RGS12: variants seen among roughly 807,000 people sequenced by gnomAD.
RGS12 encodes regulator of G-protein signaling 12.
A neutral mutation model predicts 120.1 loss-of-function variants in RGS12; 66 were observed. That is an observed-to-expected ratio of 0.55 (90% CI 0.45 to 0.67). The LOEUF is 0.67. Ranked by LOEUF, RGS12 falls within the 30% of genes least tolerant of loss-of-function variation. RGS12 has a pLI of 0.00. For missense variants in RGS12, 1,859 were observed against 1,957.7 expected, an observed-to-expected ratio of 0.95 and a Z score of 0.95; for synonymous variants, 827 against 804.7, an observed-to-expected ratio of 1.03 and a Z score of -0.47.
At chr4:3,424,203 C>G (rs918937825) in intron 13 of RGS12, among the ~76,000 whole-genome samples, 3 of 152,262 alleles carry the variant, frequency 2.0e-5, no homozygotes, top group Non-Finnish European at 4.4e-5. Flanking sequence ...AGAGCTGGGC[C>G]CCGCTGAGGG....
At chr4:3,435,724 C>T (rs1231710896) in intron 17 of RGS12, among the ~76,000 whole-genome samples, 2 of 152,122 alleles carry the variant, frequency 1.3e-5, no homozygotes, top group Non-Finnish European at 1.5e-5. Flanking sequence ...CACCAGAAGC[C>T]ACCCTAGGTT....
At chr4:3,331,822 G>C (rs1023890058) in intron 2 of RGS12, among the ~76,000 whole-genome samples, 2 of 152,232 alleles carry the variant, frequency 1.3e-5, no homozygotes, top group Non-Finnish European at 2.9e-5. Context: ...GGGAAGGAAC[G>C]GCGGCTCCAG....
intron 1 of RGS12, among the ~76,000 whole-genome samples, chr4:3,300,972 G>C (rs1422859137): frequency 1.3e-5 from 2 of 152,230 alleles, no homozygotes; most frequent in African/African-American, 4.8e-5. Context: ...GGGGTGGTGA[G>C]GAGCCACGTG....
rs776011427 is a variant in RGS12 at position 3,317,635 on chromosome 4, G to A, written c.1465G>A (p.Ala489Thr). Residue 489 changes from alanine (A) to threonine (T), a missense_variant, in exon 2 of 18, where the codon GCT (alanine) becomes ACT (threonine). Transcript: ENST00000336727. ...CGAAGGGAGCCCCCCATTTGAGGCCGCTCATCAGACTGACAGGTTCTGGGA... is the reference window on the plus strand; with the variant it reads ...CGAAGGGAGCCCCCCATTTGAGGCCACTCATCAGACTGACAGGTTCTGGGA... ...DPEGSPPFEA[A>T]HQTDRFWDLN... 20 of 1,590,794 alleles carry A rather than the reference G, an allele frequency of 1.3e-5. No homozygotes were observed. In the Admixed American group the frequency reaches 1.4e-4, roughly 11 times the overall value.
At chr4:3,341,926 A>T (rs1326791920) in intron 2 of RGS12, among the ~76,000 whole-genome samples, 3 of 150,550 alleles carry the variant, frequency 2.0e-5, no homozygotes, top group African/African-American at 7.4e-5. Context: ...AGGACTTTTC[A>T]GTTGAGGAGG....
chr4:3,364,660 TC>T (rs1483155658), intron 3 of RGS12, among the ~76,000 whole-genome samples: 8 of 151,676 alleles, frequency 5.3e-5, no homozygotes, highest in Non-Finnish European at 7.4e-5. Context: ...CAGCTGGGTG[TC>T]CCAGGGACAG....
Position 3,317,732 on chromosome 4 carries a change from C to T in RGS12, c.1562C>T (p.Pro521Leu), listed in dbSNP as rs781679823. 1.2e-5 allele frequency: 19 copies of T among 1,613,452 alleles called. 1 individual carries two copies. The Middle Eastern group carries it at 1.5e-3, about 126-fold the overall frequency. Residue 521 changes from proline (P) to leucine (L), a missense_variant, in exon 2 of 18, where the codon CCT (proline) becomes CTT (leucine). Around this residue, in one of 3 missense-constraint regions of RGS12, gnomAD observed 967 missense variants for 994.2 expected, o/e 0.97. Coordinates refer to ENST00000336727, the MANE Select transcript of RGS12 (RefSeq NM_001394154.1). ...GCTTCCTTGAGGAGCTCAGTCCCCC[C>T]TTCCAAGAGGGGCACCGTGGGTGCT... is the stretch of plus-strand genomic sequence containing the variant. ...PPASLRSSVP[P>L]SKRGTVGAGC...
At chr4:3,313,771 C>T (rs1051785081) in intron 1 of RGS12, among the ~76,000 whole-genome samples, 2 of 152,118 alleles carry the variant, frequency 1.3e-5, no homozygotes, top group Admixed American at 1.3e-4. Context: ...TGTGGCCGTC[C>T]CCTCTGGCTC....
At chr4:3,307,764 C>G (rs1219142088) in intron 1 of RGS12, among the ~76,000 whole-genome samples, 1 of 152,224 alleles carries the variant, frequency 6.6e-6, no homozygotes, top group Non-Finnish European at 1.5e-5. Context: ...CAGCCTGTTT[C>G]CTTGTGTTAG....
chr4:3,390,377 G>A lies in RGS12; in HGVS notation c.2020+3940G>A, dbSNP rs1011616286. On this transcript the variant is annotated intron_variant, in intron 4 of 17. Transcript: ENST00000336727. The surrounding 1 kb of genome is among the most constrained non-coding windows in gnomAD (Gnocchi z 4.6). ...CGGCACCCGGCACAGCGGCTGGCAC[G>A]AGAGCTGTCTGTTGAGTGAATGATC... is the stretch of plus-strand genomic sequence containing the variant. Among the ~76,000 whole-genome samples, 41 of 152,184 alleles carry A rather than the reference G, an allele frequency of 2.7e-4. No homozygotes were observed. Among genetic ancestry groups the A allele is most frequent in the African/African-American group, 9.9e-4 (41 of 41,452 alleles).
chr4:3,422,786 G>T, intron 11 of RGS12, 119 bp from the exon 12 acceptor site: 1 of 1,052,188 alleles, frequency 9.5e-7, no homozygotes, highest in Non-Finnish European at 1.4e-6. Context: ...GCTTTCTTTG[G>T]ATGGCTGTTT....
Position 3,386,409 on chromosome 4 carries a change from C to G in RGS12, c.1999-7C>G, listed in dbSNP as rs1470655908. ...ATTAACTCATGTCTCTCTCTCTTTTCTTTCAGTCTGCAACTGTGTCTGATG... is the reference window on the plus strand; with the variant it reads ...ATTAACTCATGTCTCTCTCTCTTTTGTTTCAGTCTGCAACTGTGTCTGATG... On this transcript the variant is annotated splice_polypyrimidine_tract_variant and splice_region_variant and intron_variant, in intron 3 of 17. Transcript: ENST00000336727. 1 of 1,612,272 alleles carries G rather than the reference C, an allele frequency of 6.2e-7. No individual in the cohort carries two copies. The highest frequency in any genetic ancestry group is 1.1e-5 in the South Asian group (1 of 91,032).
intron 2 of RGS12, among the ~76,000 whole-genome samples, chr4:3,328,757 C>T (rs768207024): frequency 6.6e-5 from 10 of 152,096 alleles, no homozygotes; most frequent in African/African-American, 9.7e-5. Flanking sequence ...CAAAGTCAGC[C>T]GGAGCTGTGT....
At chr4:3,305,262 C>T (rs1010368151) in intron 1 of RGS12, among the ~76,000 whole-genome samples, 7 of 152,146 alleles carry the variant, frequency 4.6e-5, no homozygotes, top group East Asian at 1.9e-4. Context: ...AGAAGCGAGT[C>T]GCTAGGTCCA....
chr4:3,368,346 TGTGTGTGC>T (rs1716556937), intron 3 of RGS12, among the ~76,000 whole-genome samples: 1 of 151,230 alleles, frequency 6.6e-6, no homozygotes, highest in African/African-American at 2.4e-5. Context: ...TGTGCCTGTG[TGTGTGTGC>T]ACCTGTGTGT....
At chr4:3,355,573 T>A (rs1051253500) in intron 3 of RGS12, among the ~76,000 whole-genome samples, 2 of 152,090 alleles carry the variant, frequency 1.3e-5, no homozygotes, top group African/African-American at 2.4e-5. Context: ...AGTGGGCAGA[T>A]CATTTGAGTT....
intron 1 of RGS12, among the ~76,000 whole-genome samples, chr4:3,295,981 C>T (rs1165803589): frequency 6.6e-6 from 1 of 152,216 alleles, no homozygotes; most frequent in Non-Finnish European, 1.5e-5. Flanking sequence ...GCTGGCCAAG[C>T]TCCCTCCCGA....
chr4:3,370,204 A>T, intron 3 of RGS12: 2 of 1,588,212 alleles, frequency 1.3e-6, no homozygotes, highest in Non-Finnish European at 1.7e-6. Context: ...TCTCACACGC[A>T]CAAGCTGCGG....
chr4:3,354,710 T>A (rs1415684414), intron 3 of RGS12, among the ~76,000 whole-genome samples: 1 of 152,174 alleles, frequency 6.6e-6, no homozygotes, highest in African/African-American at 2.4e-5. Flanking sequence ...TCAATGAGAA[T>A]ACTACATATC....
Sources: gnomAD v4.1 joint callset for allele counts (sites outside exome capture counted in the v4.1 genomes callset) on GRCh38, gnomAD v4.1.1 for gene constraint, gnomAD v4.1.1 regional missense constraint, Gnocchi (gnomAD v3.1) non-coding constraint, MANE v1.5 for transcripts, NCBI Gene and HGNC (gene_info 2026-07-23, HGNC 2026-07-21) for gene names.